The following TECPR1 variants were observed in gnomAD, a reference collection of about 807,000 sequenced individuals.
TECPR1 encodes the protein tectonin beta-propeller repeat containing 1, also known as tectonin beta-propeller repeat-containing protein 1.
TECPR1 carries 122 observed loss-of-function variants against 162.4 expected under a neutral mutation model. The ratio of observed to expected loss-of-function variants is 0.75; its 90% CI spans 0.65 to 0.87. The LOEUF is 0.87. Among genes scored for constraint, TECPR1 ranks in the 40% least tolerant of loss-of-function variants. TECPR1 has a pLI of 0.00. For synonymous variants in TECPR1, 642 were observed against 670.6 expected, an observed-to-expected ratio of 0.96 and a Z score of 0.66; for missense variants, 1,432 against 1,618.2, an observed-to-expected ratio of 0.88 and a Z score of 1.97.
chr7:98,235,849 A>AAAAAAAAAAAAAAAAAAAAACAACAAC, intron 10 of TECPR1, among the ~76,000 whole-genome samples: 1 of 110,336 alleles, frequency 9.1e-6, no homozygotes, highest in African/African-American at 3.1e-5. Context: ...AAAAAAAAAA[A>AAAAAAAAAAAAAAAAAAAAACAACAAC]AACACCATCT....
Position 98,235,849 on chromosome 7 carries a change from A to AAAACAAC in TECPR1, c.1181+926_1181+927insGTTGTTT. Among the ~76,000 whole-genome samples the AAAACAAC allele has an allele frequency of 1.4e-3, 155 of 110,270 alleles. 14 individuals are homozygous for AAAACAAC. Among genetic ancestry groups the AAAACAAC allele is most frequent in the East Asian group, 5.5e-3 (24 of 4,372 alleles). 72.3% of individuals were successfully genotyped at this position (110,270 alleles called of 152,430 possible). On this transcript the variant is annotated intron_variant, in intron 10 of 25. Transcript: ENST00000447648. ...TCTCAAAAAAAAAAAAAAAAAAAAA[A>AAAACAAC]AACACCATCTGAGCAGACTAAACCC...
In TECPR1 at chr7:98,231,724, C is replaced by T. The variant is rs912660398; in HGVS notation, c.1974+80G>A. The T allele has an allele frequency of 2.6e-6, 4 of 1,528,028 alleles. No individual in the cohort carries two copies. The African/African-American group carries it at 4.1e-5, about 16-fold the overall frequency. The allele number at this position is 1,528,028 out of a possible 1,614,324, so 94.7% of individuals were successfully genotyped here. ...ATTTCTGTACCCCTCCCCTGGGCAC[C>T]CCCATTTCTGTACCCCTCCTCTAGC... On this transcript the variant is annotated intron_variant, in intron 13 of 25. Transcript: ENST00000447648.
At chr7:98,242,083 G>A (rs759659173) in intron 6 of TECPR1, among the ~76,000 whole-genome samples, 7 of 152,186 alleles carry the variant, frequency 4.6e-5, no homozygotes, top group Admixed American at 2.0e-4. Flanking sequence ...CACTCTGCCC[G>A]GCCCCTCGCC....
In TECPR1 at chr7:98,231,314, C is replaced by G. The variant is rs970090201; in HGVS notation, c.2034G>C (p.Lys678Asn). The G allele has an allele frequency of 1.9e-6, 3 of 1,612,174 alleles. No individual in the cohort carries two copies. The highest frequency in any genetic ancestry group is 2.5e-6 in the Non-Finnish European group (3 of 1,179,220). ...CAGGGGTGTACAGGGCAAAGGAGTG[C>G]TTGGTCTCGTTCAGCACTGGGACCA... ...VALVPVLNET[K>N]HSFALYTPER... Residue 678 changes from lysine (K) to asparagine (N), a missense_variant, in exon 14 of 26, where the codon AAG becomes AAC. Lys to Asn is a moderately conservative substitution (Grantham distance 94). Coordinates refer to ENST00000447648, the MANE Select transcript of TECPR1 (RefSeq NM_015395.3).
chr7:98,235,656 C>G (rs916594830), intron 10 of TECPR1, among the ~76,000 whole-genome samples: 1 of 150,436 alleles, frequency 6.6e-6, no homozygotes, highest in African/African-American at 2.4e-5. Flanking sequence ...ATGGGGAAAC[C>G]CTGTCTCTAC....
At chr7:98,249,727 A>AT (rs1799011965) in intron 2 of TECPR1, among the ~76,000 whole-genome samples, 1 of 152,294 alleles carries the variant, frequency 6.6e-6, no homozygotes, top group South Asian at 2.1e-4. Context: ...AGGCGGGCAG[A>AT]TTGCTTGAGG....
rs1232026299 is a variant in TECPR1, at chr7:98,216,223, T to A, written c.*1167A>T. ...GCCGGGCCAGCCTCTCGCCACAGGA[T>A]GGAGGGTGACTGTGCACCCTGCTCC... On this transcript the variant is annotated 3_prime_UTR_variant, in exon 26 of 26. Transcript: ENST00000447648. 1 of 152,318 alleles carries A rather than the reference T, an allele frequency of 6.6e-6. No homozygotes were observed. Among genetic ancestry groups the A allele is most frequent in the Admixed American group, 6.5e-5 (1 of 15,284 alleles). The allele number at this position is 152,318 out of a possible 1,614,324, so 9.4% of individuals were successfully genotyped here.
At chr7:98,223,204 C>T (rs539307846) in intron 20 of TECPR1, 34 bp from the exon 21 acceptor site, 1 of 1,547,828 alleles carries the variant, frequency 6.5e-7, no homozygotes, top group African/African-American at 1.4e-5. Context: ...GCCCAGGGAC[C>T]CCAAGGTGAC....
intron 2 of TECPR1, among the ~76,000 whole-genome samples, chr7:98,246,878 C>T (rs1285505191): frequency 2.6e-5 from 4 of 151,976 alleles, no homozygotes; most frequent in Non-Finnish European, 4.4e-5. Flanking sequence ...CCACCACGCC[C>T]GGTCTCTTTT....
chr7:98,231,937 G>A lies in TECPR1; in HGVS notation c.1841C>T (p.Ala614Val), dbSNP rs745619481. The A allele has an allele frequency of 2.2e-5, 36 of 1,606,436 alleles. No individual in the cohort carries two copies. Among genetic ancestry groups the A allele is most frequent in the Admixed American group, 3.3e-5 (2 of 59,926 alleles). The change falls in exon 13 of 26, where the codon GCG (alanine) becomes GTG (valine). Residue 614 changes from alanine to valine, a missense_variant. Transcript: ENST00000447648. ...VEQSVWVKTG[A>V]LQWWCDWKPH... ...CTTCCAGTCGCACCACCACTGCAGC[G>A]CCCCGGTCTTCACCCACACCGACTG...
intron 2 of TECPR1, among the ~76,000 whole-genome samples, chr7:98,248,242 G>C (rs1798963395): frequency 6.6e-6 from 1 of 152,186 alleles, no homozygotes; most frequent in Non-Finnish European, 1.5e-5. Flanking sequence ...ACTGGATGAA[G>C]CCACCAGGGC....
At chr7:98,225,971 C>A (rs1284858947) in intron 17 of TECPR1, among the ~76,000 whole-genome samples, 1 of 152,198 alleles carries the variant, frequency 6.6e-6, no homozygotes, top group African/African-American at 2.4e-5. Flanking sequence ...TTTGTTAGTA[C>A]CACCACAGGA....
chr7:98,218,073 G>C, intron 23 of TECPR1, 31 bp from the exon 24 acceptor site: 2 of 1,526,102 alleles, frequency 1.3e-6, no homozygotes, highest in Non-Finnish European at 1.8e-6. Flanking sequence ...GGTCAAAGGG[G>C]AAGACCTTCC....
At chr7:98,217,613 C>G (rs1215192913) in intron 25 of TECPR1, 79 bp downstream of exon 25, 2 of 1,524,980 alleles carry the variant, frequency 1.3e-6, no homozygotes, top group Admixed American at 4.0e-5. Flanking sequence ...GGGGACAGTC[C>G]CACAGTGGTC....
Position 98,223,702 on chromosome 7 carries a change from TG to T in TECPR1, c.2706del (p.Thr904ArgfsTer2). The T allele has an allele frequency of 6.2e-7, 1 of 1,613,752 alleles. No individual in the cohort carries two copies. The highest frequency in any genetic ancestry group is 8.5e-7 in the Non-Finnish European group (1 of 1,179,782). On this transcript the variant is annotated frameshift_variant, in exon 20 of 26. Transcript: ENST00000447648. LOFTEE classifies it high-confidence loss of function. ...ASDFPASYHGSKTMKDFVRRR... is the reference protein window; with the variant it reads ...ASDFPASYHGXKTMKDFVRRR... ...CTCCTCACAAAATCCTTCATCGTTT[TG>T]GACCCATGGTATGAGCTGCAAGGAG...
At chr7:98,245,108 T>C in intron 3 of TECPR1, 41 bp from the exon 4 acceptor site, 1 of 1,551,526 alleles carries the variant, frequency 6.4e-7, no homozygotes, top group Non-Finnish European at 8.7e-7. Flanking sequence ...GACCCAAGCC[T>C]GCTGGGCGGG....
intron 5 of TECPR1, 117 bp from the exon 6 acceptor site, chr7:98,243,709 C>T: frequency 1.1e-5 from 15 of 1,340,094 alleles, no homozygotes; most frequent in Non-Finnish European, 1.4e-5. Context: ...CCTGCAGCTG[C>T]CTTAATTCAC....
intron 16 of TECPR1, 188 bp downstream of exon 16, chr7:98,228,851 G>A (rs928973541): frequency 1.3e-6 from 1 of 746,514 alleles, no homozygotes. Context: ...GAGGCCCTCA[G>A]CTCGAAGTGG....
chr7:98,232,727 G>A lies in TECPR1; in HGVS notation c.1818+100C>T. The A allele has an allele frequency of 1.5e-6, 2 of 1,372,456 alleles. No homozygotes were observed. The highest frequency in any genetic ancestry group is 9.6e-7 in the Non-Finnish European group (1 of 1,038,958). The allele number at this position is 1,372,456 out of a possible 1,614,324, so 85.0% of individuals were successfully genotyped here. On this transcript the variant is annotated intron_variant, in intron 12 of 25. Transcript: ENST00000447648. This position sits in a 1 kb window ranked among gnomAD's most constrained non-coding sequence, Gnocchi z 4.6. ...CTGGGCGGGAGACCAGGGGATGGAGGCATCTATCTGTTTCTCTCAGAGCTG... is the reference window on the plus strand; with the variant it reads ...CTGGGCGGGAGACCAGGGGATGGAGACATCTATCTGTTTCTCTCAGAGCTG...
Sources: gnomAD v4.1 joint callset for allele counts (sites outside exome capture counted in the v4.1 genomes callset) on GRCh38, gnomAD v4.1.1 for gene constraint, Gnocchi (gnomAD v3.1) non-coding constraint, MANE v1.5 for transcripts, NCBI Gene and HGNC (gene_info 2026-07-23, HGNC 2026-07-21) for gene names.